ZDHHC14: variants seen among roughly 807,000 people sequenced by gnomAD.
The protein encoded by ZDHHC14 is palmitoyltransferase ZDHHC14.
In ZDHHC14, 16 loss-of-function variants were observed where a neutral mutation model predicts 47.7. The observed-to-expected ratio is 0.34, with a 90% CI of 0.23 to 0.51. The LOEUF (loss-of-function observed/expected upper bound fraction) is 0.51, where lower values mean the gene tolerates loss of function less well. ZDHHC14 is among the 20% of genes least tolerant of loss of function. The pLI, the probability that ZDHHC14 is intolerant of heterozygous loss-of-function variation, is 0.97. For missense variants in ZDHHC14, 515 were observed against 662.5 expected, an observed-to-expected ratio of 0.78 and a Z score of 2.44; for synonymous variants, 293 against 278.9, an observed-to-expected ratio of 1.05 and a Z score of -0.50.
At chr6:157,443,083 G>T (rs1583648624) in intron 1 of ZDHHC14, among the ~76,000 whole-genome samples, 1 of 152,284 alleles carries the variant, frequency 6.6e-6, no homozygotes, top group African/African-American at 2.4e-5. Context: ...GAGGGACCTC[G>T]TGGGAGGTGA....
At chr6:157,490,977 G>T (rs1182783822) in intron 1 of ZDHHC14, among the ~76,000 whole-genome samples, 1 of 152,152 alleles carries the variant, frequency 6.6e-6, no homozygotes, top group Admixed American at 6.5e-5. Flanking sequence ...GGGCGCAGAG[G>T]AGAGGTATTA....
At chr6:157,390,290 T>C (rs1373047129) in intron 1 of ZDHHC14, among the ~76,000 whole-genome samples, 1 of 152,160 alleles carries the variant, frequency 6.6e-6, no homozygotes, top group Non-Finnish European at 1.5e-5. Context: ...TTTCCCCCCA[T>C]ATGTCATATG....
At chr6:157,521,566 TG>T in intron 1 of ZDHHC14, among the ~76,000 whole-genome samples, 1 of 152,286 alleles carries the variant, frequency 6.6e-6, no homozygotes, top group East Asian at 1.9e-4. Context: ...CCTCACATGG[TG>T]GGAGAGGCCA....
chr6:157,520,420 A>G (rs1442298440), intron 1 of ZDHHC14, among the ~76,000 whole-genome samples: 1 of 152,204 alleles, frequency 6.6e-6, no homozygotes, highest in African/African-American at 2.4e-5. Flanking sequence ...AATTCACATA[A>G]TTTGAGACTG....
intron 3 of ZDHHC14, among the ~76,000 whole-genome samples, chr6:157,595,337 G>A (rs376218776): frequency 6.6e-5 from 10 of 151,726 alleles, no homozygotes; most frequent in East Asian, 3.9e-4. Context: ...GACTACAGGC[G>A]TATGTCACCC....
chr6:157,436,860 G>A (rs534699367), intron 1 of ZDHHC14, among the ~76,000 whole-genome samples: 6 of 152,232 alleles, frequency 3.9e-5, no homozygotes, highest in East Asian at 3.9e-4. Flanking sequence ...GAGGGAGGTC[G>A]AGGCAGGGCA....
At chr6:157,481,213 GT>G (rs1779621897) in intron 1 of ZDHHC14, among the ~76,000 whole-genome samples, 1 of 152,040 alleles carries the variant, frequency 6.6e-6, no homozygotes, top group Admixed American at 6.5e-5. Flanking sequence ...TTTTTATTGT[GT>G]TTTATCTAAA....
chr6:157,617,167 A>G lies in ZDHHC14; in HGVS notation c.566-11182A>G, dbSNP rs187571523. Among the ~76,000 whole-genome samples the G allele has an allele frequency of 1.6e-4, 24 of 152,314 alleles. No individual in the cohort carries two copies. In the East Asian group the frequency reaches 2.3e-3, roughly 15 times the overall value. Reference sequence around the variant, plus strand: ...ACAGTCACGAGACACTGCAGTATGTATATCTTTTTATTACCAGATGAGATA... The same window carrying G: ...ACAGTCACGAGACACTGCAGTATGTGTATCTTTTTATTACCAGATGAGATA... On this transcript the variant is annotated intron_variant, in intron 3 of 8. Coordinates refer to ENST00000359775, the MANE Select transcript of ZDHHC14 (RefSeq NM_024630.3).
chr6:157,593,426 A>G (rs1237791872), intron 3 of ZDHHC14, among the ~76,000 whole-genome samples: 1 of 152,108 alleles, frequency 6.6e-6, no homozygotes, highest in East Asian at 1.9e-4. Context: ...CGTGAAATAA[A>G]ATCATGTCTC....
chr6:157,510,295 A>C (rs781149138), intron 1 of ZDHHC14, among the ~76,000 whole-genome samples: 3 of 152,184 alleles, frequency 2.0e-5, no homozygotes. Flanking sequence ...TCAGCTGCAC[A>C]CTTGCCACTG....
rs9456463 is a variant in ZDHHC14, at chr6:157,548,105, A to C, written c.406+5360A>C. 7.4e-3 allele frequency among the ~76,000 whole-genome samples: 956 copies of C among 128,648 alleles called. 3 individuals are homozygous for C. The highest frequency in any genetic ancestry group is 0.015 in the African/African-American group (356 of 24,468). The allele number at this position is 128,648 out of a possible 152,430, so 84.4% of individuals were successfully genotyped here. On this transcript the variant is annotated intron_variant, in intron 2 of 8. Coordinates refer to ENST00000359775, the MANE Select transcript of ZDHHC14 (RefSeq NM_024630.3). ...TACTGTTGAATATACACCCCTCCCC[A>C]AAAAAAAAAAATCTGGCAGGGTCAA... is the stretch of plus-strand genomic sequence containing the variant.
chr6:157,648,990 G>A (rs1248382006), intron 7 of ZDHHC14, among the ~76,000 whole-genome samples: 1 of 152,178 alleles, frequency 6.6e-6, no homozygotes, highest in African/African-American at 2.4e-5. Context: ...TCTGCATATG[G>A]CACGGCTTTA....
intron 1 of ZDHHC14, among the ~76,000 whole-genome samples, chr6:157,440,508 A>G (rs377081245): frequency 6.6e-6 from 1 of 152,354 alleles, no homozygotes; most frequent in East Asian, 1.9e-4. Flanking sequence ...AGGTTCCTCA[A>G]AAAATTAAGC....
chr6:157,454,319 A>G (rs1016298466), intron 1 of ZDHHC14, among the ~76,000 whole-genome samples: 1 of 152,180 alleles, frequency 6.6e-6, no homozygotes, highest in Admixed American at 6.5e-5. Context: ...ACTACTTTTA[A>G]AGGCACTTGT....
chr6:157,473,772 A>C (rs1207526072), intron 1 of ZDHHC14, among the ~76,000 whole-genome samples: 1 of 152,154 alleles, frequency 6.6e-6, no homozygotes, highest in Non-Finnish European at 1.5e-5. Context: ...TGTGCACAAA[A>C]TTGTTTAAAA....
chr6:157,569,385 A>G (rs143890381), intron 2 of ZDHHC14, among the ~76,000 whole-genome samples: 5,641 of 152,154 alleles, frequency 0.037, 143 homozygotes, highest in Non-Finnish European at 0.057. Flanking sequence ...AATAATAATT[A>G]ATAATAATCC....
chr6:157,598,942 A>G (rs1784233644), intron 3 of ZDHHC14, among the ~76,000 whole-genome samples: 1 of 152,238 alleles, frequency 6.6e-6, no homozygotes, highest in Non-Finnish European at 1.5e-5. Flanking sequence ...AATGAATCAC[A>G]AAGATAGAAA....
At chr6:157,597,688 G>A (rs969748116) in intron 3 of ZDHHC14, among the ~76,000 whole-genome samples, 2 of 152,254 alleles carry the variant, frequency 1.3e-5, no homozygotes, top group African/African-American at 4.8e-5. Context: ...CACTGGGACT[G>A]TCTCTGCACC....
intron 8 of ZDHHC14, among the ~76,000 whole-genome samples, chr6:157,658,535 T>C (rs1778203038): frequency 2.0e-5 from 3 of 150,080 alleles, no homozygotes; most frequent in Admixed American, 2.0e-4. Flanking sequence ...AAGCCCGCAC[T>C]TGACACAGGA....
Sources: gnomAD v4.1 joint callset for allele counts (sites outside exome capture counted in the v4.1 genomes callset) on GRCh38, gnomAD v4.1.1 for gene constraint, MANE v1.5 for transcripts, NCBI Gene and HGNC (gene_info 2026-07-23, HGNC 2026-07-21) for gene names.